PRPF19: variants seen among roughly 807,000 people sequenced by gnomAD.
The protein encoded by PRPF19 is pre-mRNA processing factor 19.
In PRPF19, 2 loss-of-function variants were observed where a neutral mutation model predicts 64.2. The ratio of observed to expected loss-of-function variants is 0.03; its 90% confidence interval spans 0.01 to 0.10. The LOEUF (loss-of-function observed/expected upper bound fraction) is 0.10. Ranked by LOEUF, PRPF19 falls within the 10% of genes least tolerant of loss-of-function variation. The probability of loss-of-function intolerance (pLI) is 1.00; values close to 1 mark genes in which losing one functional copy is unlikely to be tolerated. For missense variants in PRPF19, 314 were observed against 650.0 expected (o/e 0.48, Z 5.62); for synonymous variants, 226 against 251.6 (o/e 0.90, Z 0.96).
At chr11:60,896,641 A>C (rs1006100473) in intron 15 of PRPF19, among the ~76,000 whole-genome samples, 5 of 152,036 alleles carry the variant, frequency 3.3e-5, no homozygotes, top group Non-Finnish European at 7.4e-5. Flanking sequence ...TATGACTGTA[A>C]GTTTCCTGAG....
In PRPF19 at chr11:60,901,453, T is replaced by C. The variant is rs1277244168; in HGVS notation, c.567+46A>G. On this transcript the variant is annotated intron_variant, in intron 7 of 15. Transcript: ENST00000227524. Reference sequence around the variant, plus strand: ...TCTCTCTCCTAAGGAGTCAACCGCCTCCCACCAGGCCAGCTCTTTCTCCAG... The same window carrying C: ...TCTCTCTCCTAAGGAGTCAACCGCCCCCCACCAGGCCAGCTCTTTCTCCAG... The C allele has an allele frequency of 1.9e-6, 3 of 1,613,924 alleles. No homozygotes were observed. The East Asian group carries it at 6.7e-5, about 36-fold the overall frequency.
rs554649113 is a variant in PRPF19, at chr11:60,903,568, A to G, written c.170-33T>C. On this transcript the variant is annotated intron_variant, in intron 2 of 15. Transcript: ENST00000227524. ...AAGGGAAAGCAGGTATGAAGAACAT[A>G]ACCCAGGGGCCTCCCCCGCCATCAC... The G allele has an allele frequency of 3.7e-6, 6 of 1,609,240 alleles. No homozygotes were observed. In the South Asian group the frequency reaches 6.6e-5, roughly 18 times the overall value.
rs1312884111 is a variant in PRPF19 at position 60,892,727 on chromosome 11, CCT to C, written c.1418-1466_1418-1465del. Reference sequence around the variant, plus strand: ...ATGTCCTGCCCTCCTGTCTCTTGCCCCTCTTTCTCTAAGGGCAGGTCATCTGA... The same window carrying C: ...ATGTCCTGCCCTCCTGTCTCTTGCCCCTTTCTCTAAGGGCAGGTCATCTGA... On this transcript the variant is annotated intron_variant, in intron 15 of 15. Coordinates refer to ENST00000227524, the MANE Select transcript of PRPF19 (RefSeq NM_014502.5). Among the ~76,000 whole-genome samples, 7 of 152,284 alleles carry C rather than the reference CCT, an allele frequency of 4.6e-5. No homozygotes were observed. In the East Asian group the frequency reaches 1.4e-3, roughly 29 times the overall value.
chr11:60,894,400 A>G (rs931895290), intron 15 of PRPF19, among the ~76,000 whole-genome samples: 1 of 152,250 alleles, frequency 6.6e-6, no homozygotes, highest in Non-Finnish European at 1.5e-5. Flanking sequence ...GATTCCATCA[A>G]GAAACCACTT....
Position 60,902,924 on chromosome 11 carries a change from A to G in PRPF19, c.247-43T>C. 1 of 1,602,016 alleles carries G rather than the reference A, an allele frequency of 6.2e-7. No individual in the cohort carries two copies. Among genetic ancestry groups the G allele is most frequent in the Non-Finnish European group, 8.5e-7 (1 of 1,177,372 alleles). ...CATTGTAAGGTGAGGTGGGGGGTGC[A>G]GGGAGTACCCAGTGGAGTCAGCCCT... On this transcript the variant is annotated intron_variant, in intron 3 of 15. Transcript: ENST00000227524. The surrounding 1 kb of genome is among the most constrained non-coding windows in gnomAD (Gnocchi z 5.0).
At chr11:60,903,596 C>G (rs1856009880) in intron 2 of PRPF19, 61 bp from the exon 3 acceptor site, 1 of 1,599,040 alleles carries the variant, frequency 6.3e-7, no homozygotes, top group African/African-American at 1.3e-5. Flanking sequence ...GCCATCACAT[C>G]TTTTCCTTTT....
intron 1 of PRPF19, among the ~76,000 whole-genome samples, chr11:60,904,198 A>G (rs1590609387): frequency 6.6e-6 from 1 of 152,236 alleles, no homozygotes; most frequent in Non-Finnish European, 1.5e-5. Context: ...TGTGTACTCT[A>G]TGAATACAGT....
chr11:60,898,695 A>G lies in PRPF19; in HGVS notation c.1055-69T>C. The stretch of plus-strand genomic sequence containing the variant: ...GAGAGAGACTAAGAGCAGCAAAGGT[A>G]GGTTCCTTGTTCTTCACATTCCTCA... On this transcript the variant is annotated intron_variant, in intron 12 of 15. Transcript: ENST00000227524. The surrounding 1 kb of genome is among the most constrained non-coding windows in gnomAD (Gnocchi z 4.6). 1.2e-6 allele frequency: 2 copies of G among 1,609,082 alleles called. No homozygotes were observed. The highest frequency in any genetic ancestry group is 1.1e-5 in the South Asian group (1 of 90,446).
In PRPF19 at chr11:60,890,830, CTG is replaced by C. The variant is rs976370960; in HGVS notation, c.*334_*335del. 1.8e-5 allele frequency: 9 copies of C among 490,358 alleles called. No homozygotes were observed. Among genetic ancestry groups the C allele is most frequent in the Non-Finnish European group, 3.2e-5 (8 of 249,540 alleles). The allele number at this position is 490,358 out of a possible 1,614,324, so 30.4% of individuals were successfully genotyped here. A position where few individuals can be genotyped will look rare whatever the true frequency, so the allele number is the denominator to read the frequency against. On this transcript the variant is annotated 3_prime_UTR_variant, in exon 16 of 16. Transcript: ENST00000227524. ...CACAGTTCCCTTGGCTCAGCCTCTC[CTG>C]TCTCACAGGAACTGCAACAAAATGG...
Position 60,902,266 on chromosome 11 carries a change from G to A in PRPF19, c.525+137C>T, listed in dbSNP as rs541529862. The A allele has an allele frequency of 5.2e-6, 5 of 963,456 alleles. No individual in the cohort carries two copies. The highest frequency in any genetic ancestry group is 4.7e-6 in the Non-Finnish European group (3 of 637,296). The allele number at this position is 963,456 out of a possible 1,614,324, so 59.7% of individuals were successfully genotyped here. A position where few individuals can be genotyped will look rare whatever the true frequency, so the allele number is the denominator to read the frequency against. ...GTAGTGGCATCAAAATACAAACCCA[G>A]GCAATCTGGTCCCAGGGTCCATGCT... On this transcript the variant is annotated intron_variant, in intron 6 of 15. Coordinates refer to ENST00000227524, the MANE Select transcript of PRPF19 (RefSeq NM_014502.5). This position sits in a 1 kb window ranked among gnomAD's most constrained non-coding sequence, Gnocchi z 5.0.
chr11:60,895,936 C>T (rs1459424915), intron 15 of PRPF19, among the ~76,000 whole-genome samples: 1 of 151,954 alleles, frequency 6.6e-6, no homozygotes, highest in African/African-American at 2.4e-5. Flanking sequence ...TTCATGGTGC[C>T]CCCCCGCCCA....
At chr11:60,900,244 G>C (rs950340666) in intron 10 of PRPF19, among the ~76,000 whole-genome samples, 7 of 152,118 alleles carry the variant, frequency 4.6e-5, no homozygotes, top group Non-Finnish European at 2.9e-5. Flanking sequence ...TGTCCTCCTC[G>C]TAAGTGTGAG....
chr11:60,906,535 G>A lies in PRPF19; in HGVS notation c.-153C>T. The A allele has an allele frequency of 2.6e-6, 2 of 783,144 alleles. No individual in the cohort carries two copies. The highest frequency in any genetic ancestry group is 3.5e-5 in the South Asian group (2 of 56,530). 48.5% of individuals were successfully genotyped at this position (783,144 alleles called of 1,614,324 possible). ...GAGCGATGCTAGCGTAGCGCTTCAC[G>A]TGGGAATGGGGACAGCCGCGCGCCA... On this transcript the variant is annotated 5_prime_UTR_variant, in exon 1 of 16. In the 5' UTR this introduces an upstream ATG that the reference lacks. Transcript: ENST00000227524.
chr11:60,903,987 T>C (rs1160882666), intron 1 of PRPF19, 126 bp from the exon 2 acceptor site: 2 of 1,219,724 alleles, frequency 1.6e-6, no homozygotes, highest in South Asian at 1.4e-5. Flanking sequence ...AGCAAGACAT[T>C]TGACCCTAAG....
intron 15 of PRPF19, among the ~76,000 whole-genome samples, chr11:60,892,810 C>A (rs570537989): frequency 6.6e-6 from 1 of 152,274 alleles, no homozygotes; most frequent in Admixed American, 6.5e-5. Flanking sequence ...ATGAACTGGT[C>A]TCACAAGAGA....
chr11:60,900,750 A>C, intron 9 of PRPF19, 59 bp from the exon 10 acceptor site: 1 of 1,575,932 alleles, frequency 6.3e-7, no homozygotes, highest in South Asian at 1.1e-5. Flanking sequence ...CCTTTTGCTC[A>C]AGGAAATGCT....
chr11:60,901,585 A>T (rs751080666), intron 6 of PRPF19, 45 bp from the exon 7 acceptor site: 2 of 1,609,082 alleles, frequency 1.2e-6, no homozygotes, highest in East Asian at 2.2e-5. Flanking sequence ...TCTTGCAAGG[A>T]GAAAAGTACA....
chr11:60,906,415 C>T lies in PRPF19; in HGVS notation c.-33G>A. 1 of 1,549,676 alleles carries T rather than the reference C, an allele frequency of 6.5e-7. No homozygotes were observed. Among genetic ancestry groups the T allele is most frequent in the Non-Finnish European group, 8.7e-7 (1 of 1,149,650 alleles). Reference sequence around the variant, plus strand: ...TCACCGTGCTCCGAGGCGCCACACGCCGGGCTCCGGGACTAGCTTCTGAGC... The same window carrying T: ...TCACCGTGCTCCGAGGCGCCACACGTCGGGCTCCGGGACTAGCTTCTGAGC... On this transcript the variant is annotated 5_prime_UTR_variant, in exon 1 of 16. Transcript: ENST00000227524.
chr11:60,903,618 GC>G, intron 2 of PRPF19, 83 bp from the exon 3 acceptor site: 1 of 1,587,762 alleles, frequency 6.3e-7, no homozygotes. Flanking sequence ...GCCATAAACA[GC>G]CCACCATCTC....
Sources: allele counts gnomAD v4.1 joint callset (sites outside exome capture counted in the v4.1 genomes callset), GRCh38; gene constraint gnomAD v4.1.1; non-coding constraint Gnocchi (gnomAD v3.1); transcripts MANE v1.5; gene names NCBI Gene and HGNC (gene_info 2026-07-23, HGNC 2026-07-21).